The following MRTFA variants were observed in gnomAD, a reference collection of about 807,000 sequenced individuals.
MRTFA encodes myocardin-related transcription factor A.
A neutral mutation model predicts 83.5 loss-of-function variants in MRTFA; 20 were observed. That is an observed-to-expected ratio of 0.24 (90% CI 0.17 to 0.35). MRTFA has a LOEUF of 0.35. MRTFA is among the 10% of genes least tolerant of loss of function. The pLI, the probability that MRTFA is intolerant of heterozygous loss-of-function variation, is 1.00. For missense variants in MRTFA, 1,200 were observed against 1,224.7 expected (o/e 0.98, Z 0.30); for synonymous variants, 659 against 541.2 (o/e 1.22, Z -3.02).
intron 2 of MRTFA, among the ~76,000 whole-genome samples, chr22:40,590,603 G>A (rs1190476755): frequency 6.6e-6 from 1 of 151,108 alleles, no homozygotes; most frequent in Non-Finnish European, 1.5e-5. Flanking sequence ...GGAGGCGGAG[G>A]CGGAGGCTGC....
rs2056167285 is a variant in MRTFA, at chr22:40,594,742, C to G, written c.-83-7G>C. The G allele has an allele frequency of 6.6e-6, 1 of 152,054 alleles. No homozygotes were observed. The highest frequency in any genetic ancestry group is 2.4e-5 in the African/African-American group (1 of 41,410). 9.4% of individuals were successfully genotyped at this position (152,054 alleles called of 1,614,324 possible). On this transcript the variant is annotated splice_region_variant and splice_polypyrimidine_tract_variant and intron_variant, in intron 1 of 14. Coordinates refer to ENST00000355630, the MANE Select transcript of MRTFA (RefSeq NM_020831.6). Reference sequence around the variant, plus strand: ...CAACCATACCCTCCGATCACTACAACACAAACAGAAAAATAAAAGTTCATG... The same window carrying G: ...CAACCATACCCTCCGATCACTACAAGACAAACAGAAAAATAAAAGTTCATG...
chr22:40,629,106 T>C (rs943640376), intron 1 of MRTFA, among the ~76,000 whole-genome samples: 4 of 151,768 alleles, frequency 2.6e-5, no homozygotes, highest in Admixed American at 1.3e-4. Context: ...CTAGGCAATA[T>C]AGCAAGACTC....
chr22:40,442,888 T>C (rs2053303912), intron 4 of MRTFA, among the ~76,000 whole-genome samples: 1 of 152,124 alleles, frequency 6.6e-6, no homozygotes, highest in Admixed American at 6.6e-5. Flanking sequence ...AGTAGTTTGA[T>C]ATGGTTGAAC....
Position 40,630,375 on chromosome 22 carries a change from G to A in MRTFA, c.-84+6103C>T, listed in dbSNP as rs116110557. On this transcript the variant is annotated intron_variant, in intron 1 of 14. Coordinates refer to ENST00000355630, the MANE Select transcript of MRTFA (RefSeq NM_020831.6). ...GCCTGGGTGTGGTAGCTGGATGACA[G>A]AGTGAGACTCTGTCTCTTTAAAAAC... 8.4e-3 allele frequency among the ~76,000 whole-genome samples: 1,276 copies of A among 152,232 alleles called. 15 individuals carry two copies. The highest frequency in any genetic ancestry group is 0.027 in the African/African-American group (1,108 of 41,544).
intron 3 of MRTFA, among the ~76,000 whole-genome samples, chr22:40,524,386 A>G (rs1342559368): frequency 1.3e-5 from 2 of 152,222 alleles, no homozygotes; most frequent in East Asian, 3.8e-4. Flanking sequence ...TTCTTACCCA[A>G]CAAAAGCAAA....
intron 7 of MRTFA, among the ~76,000 whole-genome samples, chr22:40,427,297 A>G (rs1308758146): frequency 6.6e-6 from 1 of 152,182 alleles, no homozygotes; most frequent in African/African-American, 2.4e-5. Flanking sequence ...CTACTGTATC[A>G]ACATGGGGAA....
intron 1 of MRTFA, among the ~76,000 whole-genome samples, chr22:40,624,116 T>C (rs1374065783): frequency 2.0e-5 from 3 of 151,948 alleles, no homozygotes; most frequent in East Asian, 3.9e-4. Flanking sequence ...AATAAAATTA[T>C]TTCAATTTAA....
chr22:40,593,628 G>A (rs2056151280), intron 2 of MRTFA, among the ~76,000 whole-genome samples: 1 of 152,136 alleles, frequency 6.6e-6, no homozygotes, highest in Non-Finnish European at 1.5e-5. Context: ...CTCCTTCCTA[G>A]ACAGCAGCGT....
At chr22:40,477,362 A>G (rs998781609) in intron 3 of MRTFA, among the ~76,000 whole-genome samples, 3 of 151,764 alleles carry the variant, frequency 2.0e-5, no homozygotes, top group African/African-American at 4.8e-5. Context: ...AATAAAAATA[A>G]TAATAATAAA....
rs1441090984 is a variant in MRTFA, at chr22:40,423,540, A to C, written c.923T>G (p.Ile308Ser). 6.6e-7 allele frequency: 1 copy of C among 1,521,020 alleles called. No homozygotes were observed. The allele number at this position is 1,521,020 out of a possible 1,614,324, so 94.2% of individuals were successfully genotyped here. The change falls in exon 9 of 15, where the codon ATT becomes AGT. Residue 308 changes from isoleucine to serine, a missense_variant. By Grantham distance (142) the Ile-to-Ser change is moderately radical. Coordinates refer to ENST00000355630, the MANE Select transcript of MRTFA (RefSeq NM_020831.6). ...CAATCACTGGCAGAAATGTACCTTA[A>C]TGAGTGTGGGGGTGGACTTGGCAGT...
chr22:40,513,064 T>A (rs2054694160), intron 3 of MRTFA, among the ~76,000 whole-genome samples: 1 of 152,010 alleles, frequency 6.6e-6, no homozygotes, highest in Non-Finnish European at 1.5e-5. Context: ...AAGGAGTGAG[T>A]CTGTTTGTGG....
intron 3 of MRTFA, among the ~76,000 whole-genome samples, chr22:40,502,170 A>C (rs1602347211): frequency 2.5e-5 from 3 of 121,968 alleles, no homozygotes; most frequent in South Asian, 2.6e-4. Context: ...GACCCCCCCC[A>C]CCTCCCTCCC....
At chr22:40,623,318 CTTTT>C (rs133042) in intron 1 of MRTFA, among the ~76,000 whole-genome samples, 1 of 150,576 alleles carries the variant, frequency 6.6e-6, no homozygotes, top group African/African-American at 2.4e-5. Flanking sequence ...AGGATACTGT[CTTTT>C]TTTTTTATTA....
intron 14 of MRTFA, chr22:40,412,168 G>A: frequency 3.1e-6 from 1 of 321,584 alleles, no homozygotes; most frequent in Non-Finnish European, 5.6e-6. Flanking sequence ...CTCAAGAATA[G>A]GTAAAAGAAA....
chr22:40,491,993 G>A (rs73887830), intron 3 of MRTFA, among the ~76,000 whole-genome samples: 3,142 of 152,254 alleles, frequency 0.021, 96 homozygotes, highest in African/African-American at 0.071. Context: ...GAACCTTCCC[G>A]CAAACTGTGA....
chr22:40,548,839 G>C (rs1483248583), intron 3 of MRTFA, among the ~76,000 whole-genome samples: 1 of 151,748 alleles, frequency 6.6e-6, no homozygotes, highest in Non-Finnish European at 1.5e-5. Flanking sequence ...ACTCCAGCCT[G>C]GCAACAGAGT....
intron 2 of MRTFA, among the ~76,000 whole-genome samples, chr22:40,554,960 T>C (rs2055498218): frequency 6.6e-6 from 1 of 152,236 alleles, no homozygotes; most frequent in South Asian, 2.1e-4. Context: ...ATTTAATGAC[T>C]GCCCTGCTGG....
intron 2 of MRTFA, among the ~76,000 whole-genome samples, chr22:40,586,446 G>A (rs563528209): frequency 1.1e-4 from 17 of 152,202 alleles, no homozygotes; most frequent in Non-Finnish European, 2.4e-4. Flanking sequence ...CTTAATTTTA[G>A]AAGTTAAACC....
chr22:40,508,907 G>A (rs1180569485), intron 3 of MRTFA, among the ~76,000 whole-genome samples: 1 of 151,600 alleles, frequency 6.6e-6, no homozygotes, highest in Non-Finnish European at 1.5e-5. Flanking sequence ...GTTCACGGTA[G>A]CTTTTAACAA....
Sources: gnomAD v4.1 joint callset for allele counts (sites outside exome capture counted in the v4.1 genomes callset) on GRCh38, gnomAD v4.1.1 for gene constraint, MANE v1.5 for transcripts, NCBI Gene and HGNC (gene_info 2026-07-23, HGNC 2026-07-21) for gene names.